The following DLGAP2 variants were observed in gnomAD, a reference collection of about 807,000 sequenced individuals.
DLGAP2 encodes DLG associated protein 2.
DLGAP2 carries 26 observed loss-of-function variants against 100.3 expected under a neutral mutation model. The ratio of observed to expected loss-of-function variants is 0.26; its 90% CI spans 0.19 to 0.36. The LOEUF (loss-of-function observed/expected upper bound fraction) is 0.36. DLGAP2 is among the 10% of genes least tolerant of loss of function. The pLI, the probability that DLGAP2 is intolerant of heterozygous loss-of-function variation, is 1.00. For missense variants in DLGAP2, 1,858 were observed against 1,453.2 expected, an observed-to-expected ratio of 1.28 and a Z score of -4.53; for synonymous variants, 886 against 630.1, an observed-to-expected ratio of 1.41 and a Z score of -6.08.
In DLGAP2 at chr8:1,224,540, A is replaced by C. The variant is rs73527733; in HGVS notation, c.74-34311A>C. ...AATAAAATATAGAATACAAAAAATG[A>C]TAGAAAAAAATCAATGAAACTGTAA... is the stretch of plus-strand genomic sequence containing the variant. On this transcript the variant is annotated intron_variant, in intron 2 of 14. Transcript: ENST00000637795. Among the ~76,000 whole-genome samples the C allele has an allele frequency of 9.0e-3, 1,363 of 151,946 alleles. 22 individuals are homozygous for C. Among genetic ancestry groups the C allele is most frequent in the African/African-American group, 0.031 (1,297 of 41,536 alleles).
rs201567259 is a variant in DLGAP2, at chr8:1,626,764, C to T, written c.1467C>T (p.Ser489=). Residue 489 remains serine (S), a synonymous_variant, in exon 7 of 15, where the codon AGC becomes AGT. Transcript: ENST00000637795. The part of the protein sequence containing the change: ...HQTQTYLQAA[S]DVPVGHSLDP... Reference sequence around the variant, plus strand: ...GCCAGACCTACCTGCAAGCTGCAAGCGATGTGCCTGTGGGACACAGCCTGG... The same window carrying T: ...GCCAGACCTACCTGCAAGCTGCAAGTGATGTGCCTGTGGGACACAGCCTGG... 50 of 1,603,802 alleles carry T rather than the reference C, an allele frequency of 3.1e-5. No individual in the cohort carries two copies. In the African/African-American group the frequency reaches 3.5e-4, roughly 11 times the overall value.
At chr8:804,225 T>C (rs977322943) in intron 1 of DLGAP2, among the ~76,000 whole-genome samples, 4 of 152,238 alleles carry the variant, frequency 2.6e-5, no homozygotes, top group Non-Finnish European at 5.9e-5. Context: ...ATTCTAGATT[T>C]TTCCTTGAAG....
chr8:945,377 A>T (rs1799293288), intron 2 of DLGAP2, among the ~76,000 whole-genome samples: 1 of 151,990 alleles, frequency 6.6e-6, no homozygotes, highest in Non-Finnish European at 1.5e-5. Flanking sequence ...GAGTTTCTAG[A>T]CCCCTTTTGA....
chr8:1,475,882 C>G (rs746532170), intron 3 of DLGAP2, among the ~76,000 whole-genome samples: 28 of 151,996 alleles, frequency 1.8e-4, no homozygotes, highest in African/African-American at 2.9e-4. Context: ...TTTTCTCTCC[C>G]CTAGGAAATC....
chr8:1,669,493 C>G (rs1339996210), intron 9 of DLGAP2, among the ~76,000 whole-genome samples: 1 of 152,244 alleles, frequency 6.6e-6, no homozygotes, highest in African/African-American at 2.4e-5. Context: ...CCGTCAAGCC[C>G]TCTGCCAACA....
chr8:1,490,237 G>A (rs903342051), intron 3 of DLGAP2, among the ~76,000 whole-genome samples: 17 of 152,250 alleles, frequency 1.1e-4, no homozygotes, highest in Non-Finnish European at 2.4e-4. Context: ...TTACCCTGAA[G>A]TCATTTGCAC....
In DLGAP2 at chr8:1,548,872, C is replaced by G. The variant is rs372318078; in HGVS notation, c.419C>G (p.Ser140Trp). 6.3e-7 allele frequency: 1 copy of G among 1,592,382 alleles called. No individual in the cohort carries two copies. Among genetic ancestry groups the G allele is most frequent in the Non-Finnish European group, 8.5e-7 (1 of 1,175,420 alleles). Reference protein sequence around the residue: ...GGRHRCSPRSSVHSECVMMPV... With the variant: ...GGRHRCSPRSWVHSECVMMPV... ...CGCCACCGCTGCTCGCCGCGCAGCTCGGTGCACTCGGAGTGCGTGATGATG... is the reference window on the plus strand; with the variant it reads ...CGCCACCGCTGCTCGCCGCGCAGCTGGGTGCACTCGGAGTGCGTGATGATG... The change falls in exon 5 of 15, where the codon TCG (serine) becomes TGG (tryptophan). Residue 140 changes from serine (S) to tryptophan (W), a missense_variant. By Grantham distance (177) the Ser-to-Trp change is radical. Coordinates refer to ENST00000637795, the MANE Select transcript of DLGAP2 (RefSeq NM_001346810.2).
At chr8:1,574,735 T>G (rs1802891681) in intron 6 of DLGAP2, among the ~76,000 whole-genome samples, 1 of 152,234 alleles carries the variant, frequency 6.6e-6, no homozygotes, top group Non-Finnish European at 1.5e-5. Flanking sequence ...CACATTAAAC[T>G]GCCAATAATC....
intron 1 of DLGAP2, chr8:738,489 G>A (rs1029507416): frequency 6.6e-6 from 1 of 152,254 alleles, no homozygotes; most frequent in Non-Finnish European, 1.5e-5. Flanking sequence ...TTTTAGGGGT[G>A]GTTGCTAAGC....
At chr8:973,293 G>A (rs376815880) in intron 2 of DLGAP2, among the ~76,000 whole-genome samples, 4 of 147,548 alleles carry the variant, frequency 2.7e-5, no homozygotes. Context: ...GGCCGGGCGG[G>A]GGCTGTCCCC....
chr8:1,605,636 G>A (rs1563251954), intron 6 of DLGAP2, among the ~76,000 whole-genome samples: 1 of 152,108 alleles, frequency 6.6e-6, no homozygotes, highest in South Asian at 2.1e-4. Context: ...GTCCCCTCCA[G>A]CAAATCTGTG....
At chr8:1,573,751 C>T (rs902077163) in intron 6 of DLGAP2, among the ~76,000 whole-genome samples, 1 of 152,092 alleles carries the variant, frequency 6.6e-6, no homozygotes, top group African/African-American at 2.4e-5. Context: ...GAATGTGGCC[C>T]GCTCACTGGT....
intron 1 of DLGAP2, chr8:738,423 G>C (rs978367482): frequency 6.6e-6 from 1 of 152,256 alleles, no homozygotes; most frequent in Non-Finnish European, 1.5e-5. Flanking sequence ...GGTGCGCGCA[G>C]CGAGGGGGTG....
At chr8:1,139,892 G>A (rs113636891) in intron 2 of DLGAP2, among the ~76,000 whole-genome samples, 13 of 152,078 alleles carry the variant, frequency 8.5e-5, no homozygotes, top group African/African-American at 2.9e-4. Flanking sequence ...GAGGGAAATC[G>A]GGGGGAAGTG....
At chr8:1,220,179 A>C (rs1021543993) in intron 2 of DLGAP2, among the ~76,000 whole-genome samples, 1 of 152,034 alleles carries the variant, frequency 6.6e-6, no homozygotes, top group Non-Finnish European at 1.5e-5. Context: ...TTGGTTTTCT[A>C]GTTTCTTTAG....
chr8:1,243,162 C>T (rs78549898), intron 2 of DLGAP2, among the ~76,000 whole-genome samples: 14,062 of 152,112 alleles, frequency 0.092, 1,597 homozygotes, highest in African/African-American at 0.27. Context: ...GCAGGGCGTG[C>T]TCATGGAGCT....
At position 1,407,416 on chromosome 8, in the gene DLGAP2, C is replaced by T. The variant is rs572590284; in HGVS notation, c.107-93950C>T. 4.6e-3 allele frequency among the ~76,000 whole-genome samples: 599 copies of T among 129,448 alleles called. 47 individuals are homozygous for T. The highest frequency in any genetic ancestry group is 0.016 in the African/African-American group (554 of 34,070). 84.9% of individuals were successfully genotyped at this position (129,448 alleles called of 152,430 possible). On this transcript the variant is annotated intron_variant, in intron 3 of 14. Coordinates refer to ENST00000637795, the MANE Select transcript of DLGAP2 (RefSeq NM_001346810.2). Reference sequence around the variant, plus strand: ...GTATTGAGTGCTTACTGAGCGCCACCTCCTTGTCCTCCAGAGTCGTGTATT... The same window carrying T: ...GTATTGAGTGCTTACTGAGCGCCACTTCCTTGTCCTCCAGAGTCGTGTATT...
intron 3 of DLGAP2, among the ~76,000 whole-genome samples, chr8:1,364,837 C>G (rs921644418): frequency 7.9e-5 from 12 of 152,196 alleles, no homozygotes; most frequent in African/African-American, 2.9e-4. Context: ...GCTCCCAGGG[C>G]TTTGCGTTTG....
intron 1 of DLGAP2, among the ~76,000 whole-genome samples, chr8:760,912 C>A (rs763558206): frequency 6.6e-6 from 1 of 152,076 alleles, no homozygotes; most frequent in Non-Finnish European, 1.5e-5. Context: ...ATTCCCAGAT[C>A]TTAGGTCTCA....
Sources: allele counts gnomAD v4.1 joint callset (sites outside exome capture counted in the v4.1 genomes callset), GRCh38; gene constraint gnomAD v4.1.1; transcripts MANE v1.5; gene names NCBI Gene and HGNC (gene_info 2026-07-23, HGNC 2026-07-21).